GLB1L2: variants seen among roughly 807,000 people sequenced by gnomAD.
GLB1L2 encodes beta-galactosidase-1-like protein 2.
In GLB1L2, 68 loss-of-function variants were observed where a neutral mutation model predicts 84.1. That is an observed-to-expected ratio of 0.81 (90% CI 0.67 to 0.99). The LOEUF (loss-of-function observed/expected upper bound fraction) is 0.99. Ranked by LOEUF, GLB1L2 falls within the 50% of genes least tolerant of loss-of-function variation. The pLI is 0.00. For synonymous variants in GLB1L2, 290 were observed against 318.0 expected (o/e 0.91, Z 0.94); for missense variants, 762 against 805.6 (o/e 0.95, Z 0.66).
At chr11:134,374,357 C>T (rs1277425085) in intron 17 of GLB1L2, 101 bp downstream of exon 17, 14 of 1,030,068 alleles carry the variant, frequency 1.4e-5, no homozygotes, top group East Asian at 2.4e-5. Flanking sequence ...TTGGTGGCTT[C>T]TGTGCCCAGA....
chr11:134,335,886 C>A (rs1943379106), intron 1 of GLB1L2, among the ~76,000 whole-genome samples: 1 of 152,160 alleles, frequency 6.6e-6, no homozygotes, highest in Non-Finnish European at 1.5e-5. Flanking sequence ...GGGGTCTAGG[C>A]ACGTCCTCCC....
At chr11:134,362,003 T>TG (rs1314303773) in intron 7 of GLB1L2, among the ~76,000 whole-genome samples, 1 of 152,176 alleles carries the variant, frequency 6.6e-6, no homozygotes, top group Non-Finnish European at 1.5e-5. Flanking sequence ...CTCACCATGG[T>TG]GGGCCGTGCG....
chr11:134,369,936 T>C, intron 11 of GLB1L2, 51 bp downstream of exon 11: 1 of 1,484,828 alleles, frequency 6.7e-7, no homozygotes, highest in Non-Finnish European at 9.4e-7. Context: ...TCGCTTCTGC[T>C]CTCAGACCCC....
chr11:134,371,729 C>CGTTAGCCCCGT, intron 14 of GLB1L2, 23 bp from the exon 15 acceptor site: 1 of 1,612,550 alleles, frequency 6.2e-7, no homozygotes, highest in South Asian at 1.1e-5. Context: ...TGACAGTCAT[C>CGTTAGCCCCGT]GTTAGCCCCG....
At position 134,374,956 on chromosome 11, in the gene GLB1L2, G is replaced by A; in HGVS notation, c.1825-16G>A. ...CAGACGTCAGCTGCCCTCCCAGCCG[G>A]GCCCTCTCTCCACAGGTCATCGTTT... On this transcript the variant is annotated splice_polypyrimidine_tract_variant and intron_variant, in intron 18 of 18. Coordinates refer to ENST00000535456, the MANE Select transcript of GLB1L2 (RefSeq NM_001370461.1). 6.2e-7 allele frequency: 1 copy of A among 1,609,906 alleles called. No individual in the cohort carries two copies. The highest frequency in any genetic ancestry group is 1.1e-5 in the South Asian group (1 of 90,256).
At chr11:134,366,746 T>G (rs1350168843) in intron 8 of GLB1L2, among the ~76,000 whole-genome samples, 1 of 152,152 alleles carries the variant, frequency 6.6e-6, no homozygotes, top group Non-Finnish European at 1.5e-5. Flanking sequence ...AGGCCCTGAT[T>G]TTCTGGTTCA....
intron 5 of GLB1L2, among the ~76,000 whole-genome samples, chr11:134,353,720 G>A (rs553934865): frequency 1.1e-4 from 17 of 152,136 alleles, no homozygotes; most frequent in Non-Finnish European, 2.1e-4. Flanking sequence ...GGCATTTGGT[G>A]CATATATGTT....
In GLB1L2 at chr11:134,334,208, G is replaced by T. The variant is rs147564346; in HGVS notation, c.86+2061G>T. Among the ~76,000 whole-genome samples the T allele has an allele frequency of 4.1e-3, 623 of 152,246 alleles. 5 individuals carry two copies. Among genetic ancestry groups the T allele is most frequent in the African/African-American group, 0.014 (578 of 41,554 alleles). On this transcript the variant is annotated intron_variant, in intron 1 of 18. Transcript: ENST00000535456. This position sits in a 1 kb window ranked among gnomAD's most constrained non-coding sequence, Gnocchi z 4.1. ...AGGTGGCCAGTGGAATATAGGTCAC[G>T]TGGAAACTGGCCACCAAGTTCACTC...
chr11:134,356,685 T>A (rs1343068995), intron 6 of GLB1L2, among the ~76,000 whole-genome samples: 1 of 152,196 alleles, frequency 6.6e-6, no homozygotes, highest in Non-Finnish European at 1.5e-5. Context: ...CGGCTCCAAT[T>A]CTAAAGTCTA....
chr11:134,347,112 GTC>G (rs1943561869), intron 4 of GLB1L2: 1 of 538,478 alleles, frequency 1.9e-6, no homozygotes, highest in African/African-American at 1.9e-5. Flanking sequence ...ACCAGGCTGT[GTC>G]CTTGGGGAGG....
At chr11:134,363,533 C>T (rs1488784215) in intron 7 of GLB1L2, among the ~76,000 whole-genome samples, 1 of 152,196 alleles carries the variant, frequency 6.6e-6, no homozygotes, top group Non-Finnish European at 1.5e-5. Context: ...AAACAGAGCG[C>T]ACCTTTCTTG....
rs75110218 is a variant in GLB1L2, at chr11:134,370,050, C to T, written c.1108+165C>T. Among the ~76,000 whole-genome samples, 7,634 of 152,146 alleles carry T rather than the reference C, an allele frequency of 0.05. 284 individuals are homozygous for T. The highest frequency in any genetic ancestry group is 0.1 in the African/African-American group (4,293 of 41,490). ...GTGTGTGAGGCTGTTTCCATCTTGC[C>T]GGCTTCACCTGTTACAGGTGTTAAC... On this transcript the variant is annotated intron_variant, in intron 11 of 18. Transcript: ENST00000535456. This position sits in a 1 kb window ranked among gnomAD's most constrained non-coding sequence, Gnocchi z 4.7.
rs1019058467 is a variant in GLB1L2 at position 134,347,180 on chromosome 11, C to G, written c.450-145C>G. ...CCCAGAATCGGTTTGCATTGTCTCC[C>G]CACTTCTGGGCTCAGTGGGGTGGAG... On this transcript the variant is annotated intron_variant, in intron 4 of 18. Coordinates refer to ENST00000535456, the MANE Select transcript of GLB1L2 (RefSeq NM_001370461.1). 11 of 695,634 alleles carry G rather than the reference C, an allele frequency of 1.6e-5. No individual in the cohort carries two copies. The South Asian group carries it at 1.8e-4, about 12-fold the overall frequency. The allele number at this position is 695,634 out of a possible 1,614,324, so 43.1% of individuals were successfully genotyped here.
chr11:134,356,334 G>C lies in GLB1L2; in HGVS notation c.592G>C (p.Val198Leu). Reference sequence around the variant, plus strand: ...TGGGGGACCTATCATTGCCGTGCAGGTGGAGAATGAATATGGTTCCTATAA... The same window carrying C: ...TGGGGGACCTATCATTGCCGTGCAGCTGGAGAATGAATATGGTTCCTATAA... ...KRGGPIIAVQ[V>L]ENEYGSYNKD... The change falls in exon 6 of 19, where the codon GTG becomes CTG. Residue 198 changes from valine to leucine, a missense_variant. Physicochemically the swap from Val to Leu is conservative, Grantham distance 32. Transcript: ENST00000535456. 1 of 1,614,088 alleles carries C rather than the reference G, an allele frequency of 6.2e-7. No individual in the cohort carries two copies. Among genetic ancestry groups the C allele is most frequent in the South Asian group, 1.1e-5 (1 of 91,078 alleles).
rs189751382 is a variant in GLB1L2 at position 134,356,698 on chromosome 11, G to A, written c.651+305G>A. 3.0e-3 allele frequency among the ~76,000 whole-genome samples: 455 copies of A among 152,338 alleles called. 3 individuals are homozygous for A. Among genetic ancestry groups the A allele is most frequent in the Middle Eastern group, 0.02 (6 of 294 alleles). ...GGCGGCTCCAATTCTAAAGTCTAAA[G>A]CAGTGGTTCCCAGCCCAGGCTGCAC... On this transcript the variant is annotated intron_variant, in intron 6 of 18. Transcript: ENST00000535456.
chr11:134,344,706 G>A (rs929967118), intron 3 of GLB1L2, among the ~76,000 whole-genome samples: 4 of 152,246 alleles, frequency 2.6e-5, no homozygotes, highest in East Asian at 1.9e-4. Flanking sequence ...CCTGGGAGCC[G>A]CCCGACTCTG....
intron 7 of GLB1L2, chr11:134,359,444 G>A (rs1332329424): frequency 1.2e-5 from 3 of 246,982 alleles, no homozygotes; most frequent in Non-Finnish European, 1.5e-5. Context: ...TCGCAGCTCC[G>A]TTCTTCCCAG....
At position 134,347,332 on chromosome 11, in the gene GLB1L2, C is replaced by T. The variant is rs776803966; in HGVS notation, c.457C>T (p.Leu153Phe). ...MDLGGLPSWLLQDPGMRLRTT... is the reference protein window; with the variant it reads ...MDLGGLPSWLFQDPGMRLRTT... ...CCCCGTTTACACTTCAAGCTGGCTACTCCAAGACCCTGGCATGAGGCTGAG... is the reference window on the plus strand; with the variant it reads ...CCCCGTTTACACTTCAAGCTGGCTATTCCAAGACCCTGGCATGAGGCTGAG... Residue 153 changes from leucine (L) to phenylalanine (F), a missense_variant, in exon 5 of 19, where the codon CTC becomes TTC. This residue lies in a region of GLB1L2 where 603 missense variants were observed against 611.7 expected (regional missense o/e 0.99). Transcript: ENST00000535456. The T allele has an allele frequency of 1.9e-6, 3 of 1,613,676 alleles. No individual in the cohort carries two copies. The South Asian group carries it at 3.3e-5, about 18-fold the overall frequency.
intron 6 of GLB1L2, among the ~76,000 whole-genome samples, chr11:134,358,236 T>C (rs1943732677): frequency 6.6e-6 from 1 of 152,224 alleles, no homozygotes; most frequent in Non-Finnish European, 1.5e-5. Flanking sequence ...ATCCAAAAGA[T>C]CCTAGCACCT....
Sources: allele counts gnomAD v4.1 joint callset (sites outside exome capture counted in the v4.1 genomes callset), GRCh38; gene constraint gnomAD v4.1.1; regional missense constraint gnomAD v4.1.1; non-coding constraint Gnocchi (gnomAD v3.1); transcripts MANE v1.5; gene names NCBI Gene and HGNC (gene_info 2026-07-23, HGNC 2026-07-21).